NCKAP5: variants seen among roughly 807,000 people sequenced by gnomAD.
NCKAP5 encodes nck-associated protein 5.
A neutral mutation model predicts 167.0 loss-of-function variants in NCKAP5; 92 were observed. That is an observed-to-expected ratio of 0.55 (90% CI 0.47 to 0.66). NCKAP5 has a LOEUF of 0.66. Among genes scored for constraint, NCKAP5 ranks in the 30% least tolerant of loss-of-function variants. The pLI, the probability that NCKAP5 is intolerant of heterozygous loss-of-function variation, is 0.00. For synonymous variants in NCKAP5, 891 were observed against 877.4 expected (o/e 1.02, Z -0.27); for missense variants, 2,378 against 2,315.0 (o/e 1.03, Z -0.56).
intron 8 of NCKAP5, among the ~76,000 whole-genome samples, chr2:132,945,106 G>T (rs1376637154): frequency 6.6e-6 from 1 of 152,130 alleles, no homozygotes; most frequent in East Asian, 1.9e-4. Flanking sequence ...CTCCACTGGG[G>T]AAAGGCTGTG....
At chr2:132,731,697 C>A in intron 17 of NCKAP5, 40 bp downstream of exon 17, 1 of 1,514,188 alleles carries the variant, frequency 6.6e-7, no homozygotes, top group South Asian at 1.3e-5. Flanking sequence ...TTTTTTTTGT[C>A]AGCAAATGTC....
chr2:132,780,131 T>C (rs1682892942), intron 15 of NCKAP5, among the ~76,000 whole-genome samples: 1 of 152,164 alleles, frequency 6.6e-6, no homozygotes, highest in Admixed American at 6.5e-5. Context: ...CAGGAAAATA[T>C]AAAAAATACT....
intron 8 of NCKAP5, among the ~76,000 whole-genome samples, chr2:132,940,436 A>G (rs1306880461): frequency 6.6e-6 from 1 of 152,182 alleles, no homozygotes; most frequent in Admixed American, 6.5e-5. Flanking sequence ...TGGGGTATTT[A>G]CACTTAAAAC....
intron 4 of NCKAP5, among the ~76,000 whole-genome samples, chr2:133,255,703 T>G (rs2088581684): frequency 6.6e-6 from 1 of 152,184 alleles, no homozygotes; most frequent in African/African-American, 2.4e-5. Context: ...AAATAGCCCT[T>G]GCCAACCATT....
intron 8 of NCKAP5, among the ~76,000 whole-genome samples, chr2:132,949,045 AAAAG>A (rs1347722072): frequency 0.014 from 2,048 of 144,348 alleles, 57 homozygotes; most frequent in African/African-American, 0.052. Context: ...AAAAGAAAAG[AAAAG>A]AAACATGGTG....
chr2:133,256,060 A>G (rs957397805), intron 4 of NCKAP5, among the ~76,000 whole-genome samples: 1 of 152,208 alleles, frequency 6.6e-6, no homozygotes, highest in African/African-American at 2.4e-5. Flanking sequence ...TAAACCCGAA[A>G]AAAGCAATCT....
chr2:133,248,242 C>T (rs1292575888), intron 4 of NCKAP5, among the ~76,000 whole-genome samples: 1 of 151,988 alleles, frequency 6.6e-6, no homozygotes, highest in Non-Finnish European at 1.5e-5. Flanking sequence ...TCTGCACTGC[C>T]TCTGTTTGGG....
chr2:133,354,813 G>A lies in NCKAP5; in HGVS notation c.70-51703C>T, dbSNP rs192900157. On this transcript the variant is annotated intron_variant, in intron 3 of 19. Coordinates refer to ENST00000409261, the MANE Select transcript of NCKAP5 (RefSeq NM_207363.3). ...GAAAATAATGCTTGGTCAATAGAGCGCCAAATGCACATAAGACACACAAAA... is the reference window on the plus strand; with the variant it reads ...GAAAATAATGCTTGGTCAATAGAGCACCAAATGCACATAAGACACACAAAA... Among the ~76,000 whole-genome samples, 348 of 152,156 alleles carry A rather than the reference G, an allele frequency of 2.3e-3. 3 individuals carry two copies. The highest frequency in any genetic ancestry group is 7.5e-3 in the African/African-American group (310 of 41,510).
chr2:133,253,173 C>G (rs931454891), intron 4 of NCKAP5, among the ~76,000 whole-genome samples: 1 of 152,192 alleles, frequency 6.6e-6, no homozygotes, highest in African/African-American at 2.4e-5. Context: ...ACCAAGAATG[C>G]CCAATGCATT....
At chr2:133,505,940 G>C (rs1301644603) in intron 3 of NCKAP5, among the ~76,000 whole-genome samples, 1 of 152,112 alleles carries the variant, frequency 6.6e-6, no homozygotes, top group Non-Finnish European at 1.5e-5. Flanking sequence ...ACAATTCCTT[G>C]TTCTTTATTT....
intron 3 of NCKAP5, among the ~76,000 whole-genome samples, chr2:133,326,390 G>T (rs1376821072): frequency 6.7e-6 from 1 of 148,988 alleles, no homozygotes; most frequent in Admixed American, 6.8e-5. Flanking sequence ...GGAGTTGGAG[G>T]TTGCAGTGAG....
Position 132,973,486 on chromosome 2 carries a change from T to C in NCKAP5, c.430-9617A>G, listed in dbSNP as rs1036962433. 2.6e-5 allele frequency among the ~76,000 whole-genome samples: 4 copies of C among 152,242 alleles called. No homozygotes were observed. In the South Asian group the frequency reaches 8.3e-4, roughly 32 times the overall value. On this transcript the variant is annotated intron_variant, in intron 7 of 19. Coordinates refer to ENST00000409261, the MANE Select transcript of NCKAP5 (RefSeq NM_207363.3). ...TCCCTCAATTTCTTCATCCATAAAA[T>C]AAAATGCACAAACATAGACTCACTC...
At chr2:132,919,176 G>C (rs1304134002) in intron 8 of NCKAP5, among the ~76,000 whole-genome samples, 3 of 152,220 alleles carry the variant, frequency 2.0e-5, no homozygotes, top group African/African-American at 7.2e-5. Flanking sequence ...ACATGTATGG[G>C]TGGAATGGGA....
intron 5 of NCKAP5, among the ~76,000 whole-genome samples, chr2:133,179,022 T>C (rs1274737842): frequency 6.6e-6 from 1 of 151,638 alleles, no homozygotes; most frequent in East Asian, 1.9e-4. Context: ...TTAAAAATTA[T>C]CTGAGCTTGG....
At chr2:132,779,092 T>C (rs1370304672) in intron 15 of NCKAP5, among the ~76,000 whole-genome samples, 1 of 152,194 alleles carries the variant, frequency 6.6e-6, no homozygotes, top group Admixed American at 6.5e-5. Flanking sequence ...ATATGGATTA[T>C]GTATATGTGG....
At chr2:132,807,010 G>A (rs896020723) in intron 11 of NCKAP5, among the ~76,000 whole-genome samples, 1 of 152,160 alleles carries the variant, frequency 6.6e-6, no homozygotes, top group Admixed American at 6.6e-5. Context: ...TTGTTGAAAA[G>A]GGTGTCTTCT....
the NCKAP5 span, among the ~76,000 whole-genome samples, chr2:133,597,750 C>G: frequency 2.6e-5 from 4 of 151,012 alleles, no homozygotes; most frequent in African/African-American, 9.7e-5. Context: ...AACCTCCTCT[C>G]ATGCCTCTGG....
rs564700838 is a variant in NCKAP5 at position 133,124,411 on chromosome 2, CA to C, written c.341+5566del. Among the ~76,000 whole-genome samples the C allele has an allele frequency of 3.1e-3, 469 of 152,312 alleles. 3 individuals are homozygous for C. The highest frequency in any genetic ancestry group is 0.011 in the African/African-American group (444 of 41,562). On this transcript the variant is annotated intron_variant, in intron 6 of 19. Coordinates refer to ENST00000409261, the MANE Select transcript of NCKAP5 (RefSeq NM_207363.3). ...AAGAATGTTTACAAATTATGTCCGC[CA>C]GGTGCTAAATCTCCCAGATCAATTT...
At chr2:133,197,708 T>G (rs969200555) in intron 5 of NCKAP5, among the ~76,000 whole-genome samples, 2 of 152,152 alleles carry the variant, frequency 1.3e-5, no homozygotes, top group African/African-American at 4.8e-5. Context: ...CCCAGCACTT[T>G]GGGAGGCCAA....
Sources: gnomAD v4.1 joint callset for allele counts (sites outside exome capture counted in the v4.1 genomes callset) on GRCh38, gnomAD v4.1.1 for gene constraint, MANE v1.5 for transcripts, NCBI Gene and HGNC (gene_info 2026-07-23, HGNC 2026-07-21) for gene names.